OR2C1: variants seen among roughly 807,000 people sequenced by gnomAD.
OR2C1 encodes olfactory receptor family 2 subfamily C member 1.
For synonymous variants in OR2C1, 209 were observed against 167.3 expected (o/e 1.25, Z -1.92); for missense variants, 468 against 388.3 (o/e 1.21, Z -1.73).
the OR2C1 span, chr16:3,323,449 C>T: frequency 1.3e-6 from 1 of 742,642 alleles, no homozygotes; most frequent in Non-Finnish European, 2.5e-6. Flanking sequence ...TCTTATTGAC[C>T]TTGGCTTGTC....
the OR2C1 span, among the ~76,000 whole-genome samples, chr16:3,333,942 T>G: frequency 6.6e-6 from 1 of 151,996 alleles, no homozygotes; most frequent in East Asian, 1.9e-4. Flanking sequence ...GCACCATTTA[T>G]TGAAGAGATT....
At chr16:3,338,405 C>G in the OR2C1 span, among the ~76,000 whole-genome samples, 2 of 151,956 alleles carry the variant, frequency 1.3e-5, no homozygotes, top group East Asian at 3.8e-4. Flanking sequence ...AGTGTAGAAA[C>G]CATGAGTTAG....
chr16:3,325,463 ATATATATATATATAT>A, the OR2C1 span, among the ~76,000 whole-genome samples: 1,151 of 79,320 alleles, frequency 0.015, 15 homozygotes, highest in South Asian at 0.025. Context: ...GTCTAAAAAT[ATATATATATATATAT>A]ATATATATAT....
chr16:3,344,155 A>T, the OR2C1 span, among the ~76,000 whole-genome samples: 1 of 152,066 alleles, frequency 6.6e-6, no homozygotes, highest in African/African-American at 2.4e-5. Context: ...CAGGAGGTGG[A>T]GGTTTCAGTG....
the OR2C1 span, among the ~76,000 whole-genome samples, chr16:3,338,127 A>G: frequency 6.6e-6 from 1 of 152,208 alleles, no homozygotes; most frequent in Non-Finnish European, 1.5e-5. Flanking sequence ...GTTTGGGTCC[A>G]GAGCACCCGT....
the OR2C1 span, among the ~76,000 whole-genome samples, chr16:3,349,816 A>G: frequency 6.6e-6 from 1 of 151,626 alleles, no homozygotes; most frequent in Non-Finnish European, 1.5e-5. Context: ...GCAGGAGAAT[A>G]GCTTGAACCC....
chr16:3,337,254 A>G, the OR2C1 span, among the ~76,000 whole-genome samples: 3 of 151,948 alleles, frequency 2.0e-5, no homozygotes, highest in Non-Finnish European at 4.4e-5. Context: ...TCCTGGGTTC[A>G]AGCAATTCTT....
the OR2C1 span, among the ~76,000 whole-genome samples, chr16:3,347,306 G>A: frequency 6.6e-6 from 1 of 151,204 alleles, no homozygotes; most frequent in Admixed American, 6.6e-5. Context: ...GAGGAGGGAG[G>A]ATAGCCTGAG....
chr16:3,330,553 G>C, the OR2C1 span, among the ~76,000 whole-genome samples: 3 of 152,012 alleles, frequency 2.0e-5, no homozygotes, highest in Admixed American at 1.3e-4. Flanking sequence ...TTTTACATAG[G>C]TAACTTTTTT....
chr16:3,323,794 T>G, the OR2C1 span: 95 of 802,206 alleles, frequency 1.2e-4, 1 homozygote, highest in East Asian at 1.7e-3. Context: ...TGAGCCCTTT[T>G]CCTTTCCGCT....
the OR2C1 span, among the ~76,000 whole-genome samples, chr16:3,334,236 C>G: frequency 2.6e-5 from 4 of 151,572 alleles, no homozygotes; most frequent in East Asian, 7.9e-4. Flanking sequence ...CTCCCGGGTT[C>G]CAGTGATTCT....
the OR2C1 span, among the ~76,000 whole-genome samples, chr16:3,342,349 T>C: frequency 4.6e-5 from 7 of 152,166 alleles, no homozygotes; most frequent in Non-Finnish European, 8.8e-5. Context: ...TCAAAAAAGG[T>C]CAACATAGAC....
chr16:3,325,320 T>C, the OR2C1 span, among the ~76,000 whole-genome samples: 10 of 151,840 alleles, frequency 6.6e-5, no homozygotes, highest in Admixed American at 6.6e-4. Flanking sequence ...GGTCTTACTA[T>C]GTCGCCCAGG....
At chr16:3,333,903 A>G in the OR2C1 span, among the ~76,000 whole-genome samples, 4 of 151,644 alleles carry the variant, frequency 2.6e-5, no homozygotes, top group Non-Finnish European at 5.9e-5. Context: ...TAGTTTTATT[A>G]TTCTACCTAT....
At chr16:3,343,992 G>C in the OR2C1 span, among the ~76,000 whole-genome samples, 1 of 152,166 alleles carries the variant, frequency 6.6e-6, no homozygotes, top group Admixed American at 6.5e-5. Flanking sequence ...GCCAATGTGG[G>C]GGGATCACTT....
chr16:3,330,000 G>A, the OR2C1 span, among the ~76,000 whole-genome samples: 121,186 of 150,346 alleles, frequency 0.81, 48,760 homozygotes, highest in East Asian at 0.93. Flanking sequence ...TGATCCGCCC[G>A]CCTCGGCCTC....
chr16:3,351,371 T>C (rs547848350), upstream of OR2C1, among the ~76,000 whole-genome samples: 151 of 151,830 alleles, frequency 9.9e-4, 1 homozygote, highest in South Asian at 3.7e-3. Context: ...TTGCTTTCCA[T>C]AGAGAAGGAG....
At chr16:3,325,319 A>G in the OR2C1 span, among the ~76,000 whole-genome samples, 2 of 151,656 alleles carry the variant, frequency 1.3e-5, no homozygotes, top group African/African-American at 4.8e-5. Context: ...GGGTCTTACT[A>G]TGTCGCCCAG....
the OR2C1 span, among the ~76,000 whole-genome samples, chr16:3,342,622 G>A: frequency 6.6e-6 from 1 of 152,136 alleles, no homozygotes; most frequent in African/African-American, 2.4e-5. Context: ...ACTCACGCCC[G>A]TAATGCTAGC....
Sources: allele counts gnomAD v4.1 joint callset (sites outside exome capture counted in the v4.1 genomes callset), GRCh38; gene constraint gnomAD v4.1.1; transcripts MANE v1.5; gene names NCBI Gene and HGNC (gene_info 2026-07-23, HGNC 2026-07-21).